Variants in TTC3 observed in about 807,000 individuals in gnomAD.
TTC3 encodes the protein E3 ubiquitin-protein ligase TTC3.
Under a neutral mutation model 249.6 loss-of-function variants are expected in TTC3, and 180 were observed. That is an observed-to-expected ratio of 0.72 (90% CI 0.64 to 0.82). The LOEUF is 0.82. Among genes scored for constraint, TTC3 ranks in the 40% least tolerant of loss-of-function variants. TTC3 has a pLI of 0.00. For synonymous variants in TTC3, 717 were observed against 805.0 expected, an observed-to-expected ratio of 0.89 and a Z score of 1.85; for missense variants, 2,061 against 2,398.4, an observed-to-expected ratio of 0.86 and a Z score of 2.94.
At chr21:37,183,563 T>C (rs1008865544) in intron 36 of TTC3, among the ~76,000 whole-genome samples, 1 of 152,188 alleles carries the variant, frequency 6.6e-6, no homozygotes, top group African/African-American at 2.4e-5. Flanking sequence ...CAATCTGGGC[T>C]GAGTTCAGCT....
At chr21:37,122,351 A>G (rs1219437549) in intron 12 of TTC3, among the ~76,000 whole-genome samples, 1 of 149,342 alleles carries the variant, frequency 6.7e-6, no homozygotes, top group Non-Finnish European at 1.5e-5. Context: ...AAGACCCTTC[A>G]GTAGAGCTGC....
At position 37,165,842 on chromosome 21, in the gene TTC3, G is replaced by T. The variant is rs183602088; in HGVS notation, c.3628G>T (p.Ala1210Ser). The T allele has an allele frequency of 1.6e-5, 26 of 1,614,176 alleles. No homozygotes were observed. The African/African-American group carries it at 3.1e-4, about 19-fold the overall frequency. Residue 1210 changes from alanine (A) to serine (S), a missense_variant, in exon 33 of 46, where the codon GCT becomes TCT. This residue lies in a region of TTC3 where 1,040 missense variants were observed against 1,186.1 expected (regional missense o/e 0.88). Coordinates refer to ENST00000355666, the Ensembl canonical transcript of TTC3. ...ACGAGTTAAACTACAACTGAATCCA[G>T]CTGCTAGGGAATTTAAACCAGATGT... is the stretch of plus-strand genomic sequence containing the variant.
At chr21:37,123,124 G>A (rs1015040233) in intron 13 of TTC3, 96 bp downstream of exon 13, 8 of 1,273,304 alleles carry the variant, frequency 6.3e-6, no homozygotes, top group Non-Finnish European at 4.6e-6. Context: ...GGAGCTAATA[G>A]CAACCACAGT....
intron 10 of TTC3, among the ~76,000 whole-genome samples, chr21:37,107,174 A>G (rs1020641678): frequency 6.6e-6 from 1 of 151,556 alleles, no homozygotes; most frequent in Non-Finnish European, 1.5e-5. Flanking sequence ...TTTAAGAGTG[A>G]TGAATTAGCA....
At chr21:37,124,427 TC>T (rs1253788263) in intron 13 of TTC3, among the ~76,000 whole-genome samples, 191 bp from the exon 14 acceptor site, 2 of 152,146 alleles carry the variant, frequency 1.3e-5, no homozygotes, top group African/African-American at 4.8e-5. Flanking sequence ...CTTGACCTGT[TC>T]TTTATTATTT....
At chr21:37,150,631 C>T (rs1429851161) in intron 24 of TTC3, among the ~76,000 whole-genome samples, 189 bp from the exon 25 acceptor site, 1 of 152,180 alleles carries the variant, frequency 6.6e-6, no homozygotes, top group African/African-American at 2.4e-5. Context: ...AGTGTGTCTA[C>T]CCTCTTGTTC....
At chr21:37,128,713 A>C (rs1222218007) in intron 15 of TTC3, among the ~76,000 whole-genome samples, 3 of 152,140 alleles carry the variant, frequency 2.0e-5, no homozygotes, top group African/African-American at 7.2e-5. Flanking sequence ...TTTTCACCCC[A>C]TCTGATTATA....
At chr21:37,087,396 G>A (rs1462650030) in exon 2 of TTC3, 3 of 1,613,712 alleles carry the variant, frequency 1.9e-6, no homozygotes, top group Admixed American at 3.3e-5. Context: ...TTACTGTGAT[G>A]GGGTGGTAAG....
chr21:37,200,238 G>C, exon 45 of TTC3: 1 of 1,614,022 alleles, frequency 6.2e-7, no homozygotes, highest in Non-Finnish European at 8.5e-7. Flanking sequence ...ACAGGCACTG[G>C]GTGCAAGTTC....
At chr21:37,126,264 C>A in intron 15 of TTC3, 121 bp downstream of exon 15, 1 of 651,738 alleles carries the variant, frequency 1.5e-6, no homozygotes, top group Non-Finnish European at 2.5e-6. Context: ...CTTTATAATG[C>A]TTCTATGTTA....
At chr21:37,176,891 T>C (rs2082326997) in intron 35 of TTC3, among the ~76,000 whole-genome samples, 1 of 152,198 alleles carries the variant, frequency 6.6e-6, no homozygotes, top group Non-Finnish European at 1.5e-5. Flanking sequence ...CTAGTTCAAC[T>C]AACTGTTAGG....
chr21:37,183,051 C>T lies in TTC3; in HGVS notation c.4757+138C>T, dbSNP rs2082906385. The T allele has an allele frequency of 4.8e-6, 4 of 839,176 alleles. No individual in the cohort carries two copies. The East Asian group carries it at 1.4e-4, about 29-fold the overall frequency. 52.0% of individuals were successfully genotyped at this position (839,176 alleles called of 1,614,324 possible). A position where few individuals can be genotyped will look rare whatever the true frequency, so the allele number is the denominator to read the frequency against. On this transcript the variant is annotated intron_variant, in intron 36 of 45. Transcript: ENST00000355666. ...GAATACTGTTTTCATTGTTTTGTCTCATTTAAAAAAGTATTCATTGAGTAA... is the reference window on the plus strand; with the variant it reads ...GAATACTGTTTTCATTGTTTTGTCTTATTTAAAAAAGTATTCATTGAGTAA...
At chr21:37,194,327 G>A (rs1192888611) in intron 41 of TTC3, 2 of 152,136 alleles carry the variant, frequency 1.3e-5, no homozygotes, top group Non-Finnish European at 1.5e-5. Context: ...TTTGAGTAGC[G>A]TGATGAAATC....
At chr21:37,083,986 T>G (rs1480593297) in intron 1 of TTC3, 3 of 152,220 alleles carry the variant, frequency 2.0e-5, no homozygotes, top group Admixed American at 6.5e-5. Flanking sequence ...TAACCTTTGA[T>G]AATCATGGAC....
Position 37,197,699 on chromosome 21 carries a change from A to G in TTC3, c.5706+3A>G, listed in dbSNP as rs773772554. The stretch of plus-strand genomic sequence containing the variant: ...TAGATGAACAGAAAAAGAAAAAGGT[A>G]TTTTATCTAGATGTTCCAGTTTATC... On this transcript the variant is annotated splice_donor_region_variant and intron_variant, in intron 43 of 45. Coordinates refer to ENST00000355666, the Ensembl canonical transcript of TTC3. The G allele has an allele frequency of 6.9e-6, 11 of 1,601,534 alleles. No homozygotes were observed. The highest frequency in any genetic ancestry group is 9.4e-6 in the Non-Finnish European group (11 of 1,175,224).
chr21:37,136,110 T>A (rs2077912938), intron 18 of TTC3, among the ~76,000 whole-genome samples: 1 of 152,202 alleles, frequency 6.6e-6, no homozygotes, highest in Admixed American at 6.5e-5. Context: ...TGTGTGTGTG[T>A]GTTCTGAGTG....
chr21:37,187,120 G>T, exon 38 of TTC3: 1 of 1,579,360 alleles, frequency 6.3e-7, no homozygotes, highest in Non-Finnish European at 8.6e-7. Context: ...TATGAAGAGA[G>T]TCATCAGAGA....
At chr21:37,164,399 T>G (rs1442623782) in intron 32 of TTC3, among the ~76,000 whole-genome samples, 184 bp downstream of exon 32, 2 of 151,480 alleles carry the variant, frequency 1.3e-5, no homozygotes, top group Admixed American at 6.6e-5. Context: ...AGTGCAGTGG[T>G]GCAATCTCTG....
chr21:37,144,189 C>T (rs1443494848), intron 20 of TTC3, among the ~76,000 whole-genome samples: 1 of 151,470 alleles, frequency 6.6e-6, no homozygotes, highest in African/African-American at 2.4e-5. Context: ...ACATGTATAC[C>T]TATGTAACAA....
Sources: gnomAD v4.1 joint callset for allele counts (sites outside exome capture counted in the v4.1 genomes callset) on GRCh38, gnomAD v4.1.1 for gene constraint, gnomAD v4.1.1 regional missense constraint, MANE v1.5 for transcripts, NCBI Gene and HGNC (gene_info 2026-07-23, HGNC 2026-07-21) for gene names.